MYZAP: variants seen among roughly 807,000 people sequenced by gnomAD.
MYZAP encodes myocardial zonula adherens protein, also known as GRINL1A complex locus upstream.
Under a neutral mutation model 69.4 loss-of-function variants are expected in MYZAP, and 66 were observed. That is an observed-to-expected ratio of 0.95 (90% CI 0.78 to 1.17). The LOEUF (loss-of-function observed/expected upper bound fraction) is 1.17. Among genes scored for constraint, MYZAP ranks in the 50% most tolerant of loss-of-function variants. MYZAP has a pLI of 0.00. For missense variants in MYZAP, 611 were observed against 556.2 expected (o/e 1.10, Z -0.99); for synonymous variants, 256 against 205.9 (o/e 1.24, Z -2.09).
At chr15:57,600,020 C>T (rs947623132) in intron 1 of MYZAP, among the ~76,000 whole-genome samples, 8 of 152,172 alleles carry the variant, frequency 5.3e-5, no homozygotes, top group Non-Finnish European at 1.2e-4. Context: ...ATCTTAACAT[C>T]GTTGCCACCA....
At chr15:57,618,489 T>C (rs1315525232) in intron 3 of MYZAP, among the ~76,000 whole-genome samples, 5 of 152,160 alleles carry the variant, frequency 3.3e-5, no homozygotes, top group Admixed American at 2.0e-4. Flanking sequence ...TTTTTCTTTA[T>C]TGCACTTACC....
chr15:57,668,679 A>T (rs976151832), intron 11 of MYZAP, among the ~76,000 whole-genome samples: 3 of 151,980 alleles, frequency 2.0e-5, no homozygotes, highest in Non-Finnish European at 4.4e-5. Flanking sequence ...TTTGCCATTT[A>T]TAAGTTTCAT....
intron 2 of MYZAP, among the ~76,000 whole-genome samples, chr15:57,604,951 T>G (rs2034652294): frequency 1.3e-5 from 2 of 152,180 alleles, no homozygotes; most frequent in African/African-American, 4.8e-5. Context: ...ATGTGATATT[T>G]CAGGTGTTAA....
At chr15:57,613,088 C>A (rs547785370) in intron 2 of MYZAP, among the ~76,000 whole-genome samples, 6 of 152,132 alleles carry the variant, frequency 3.9e-5, no homozygotes, top group Non-Finnish European at 8.8e-5. Context: ...CCTGCCACCA[C>A]GCCTGGCTAA....
At chr15:57,654,723 G>T (rs910265786) in intron 10 of MYZAP, among the ~76,000 whole-genome samples, 1 of 152,150 alleles carries the variant, frequency 6.6e-6, no homozygotes, top group African/African-American at 2.4e-5. Context: ...TGTCCTACAT[G>T]TTACTAATGG....
chr15:57,606,398 C>T (rs538839842), intron 2 of MYZAP, among the ~76,000 whole-genome samples: 166 of 152,180 alleles, frequency 1.1e-3, no homozygotes, highest in Non-Finnish European at 1.9e-3. Flanking sequence ...TGGCCTGAAT[C>T]CTTCAATAAA....
At chr15:57,657,908 C>T (rs888644770) in intron 10 of MYZAP, among the ~76,000 whole-genome samples, 1 of 152,124 alleles carries the variant, frequency 6.6e-6, no homozygotes, top group African/African-American at 2.4e-5. Context: ...CCTGCCAACG[C>T]TCATTTCTTC....
chr15:57,625,713 C>G (rs1030645981), intron 4 of MYZAP, 66 bp from the exon 5 acceptor site: 17 of 1,469,546 alleles, frequency 1.2e-5, no homozygotes, highest in African/African-American at 2.8e-5. Context: ...AAGTTCCAGC[C>G]TAACTGAAGA....
chr15:57,661,447 T>C lies in MYZAP; in HGVS notation c.1120-3T>C. ...TAACAATTTTCCATCCCTTTCTTTC[T>C]AGATTGAATCATTAAAGAAAAAGTT... On this transcript the variant is annotated splice_region_variant and splice_polypyrimidine_tract_variant and intron_variant, in intron 10 of 12. Transcript: ENST00000267853. 6.2e-7 allele frequency: 1 copy of C among 1,604,190 alleles called. No homozygotes were observed. Among genetic ancestry groups the C allele is most frequent in the Non-Finnish European group, 8.5e-7 (1 of 1,175,078 alleles).
intron 2 of MYZAP, among the ~76,000 whole-genome samples, chr15:57,614,727 C>T (rs1417964685): frequency 6.6e-6 from 1 of 152,070 alleles, no homozygotes; most frequent in South Asian, 2.1e-4. Context: ...CCCTGGGATG[C>T]TACATGGAGA....
intron 11 of MYZAP, among the ~76,000 whole-genome samples, chr15:57,666,370 G>A (rs894174394): frequency 6.6e-6 from 1 of 152,130 alleles, no homozygotes; most frequent in Admixed American, 6.6e-5. Context: ...CCTAGGTCAT[G>A]GCTGACACTC....
intron 11 of MYZAP, among the ~76,000 whole-genome samples, chr15:57,668,915 G>A (rs1861679437): frequency 6.9e-6 from 1 of 144,350 alleles, no homozygotes; most frequent in African/African-American, 2.6e-5. Context: ...TTTGCAATGG[G>A]GTCTTGCACA....
At chr15:57,673,463 C>CGTGTGTGTGTGTGTGT (rs3051249) in intron 11 of MYZAP, among the ~76,000 whole-genome samples, 6 of 102,588 alleles carry the variant, frequency 5.8e-5, no homozygotes, top group Non-Finnish European at 9.9e-5. Context: ...TGCGTGCATG[C>CGTGTGTGTGTGTGTGT]GTGTGTGTGT....
chr15:57,667,050 C>G (rs189651007), intron 11 of MYZAP, among the ~76,000 whole-genome samples: 4 of 152,288 alleles, frequency 2.6e-5, no homozygotes, highest in African/African-American at 9.6e-5. Context: ...ATATACTACA[C>G]TTACAGCTCA....
At chr15:57,670,308 A>G (rs1208146685) in intron 11 of MYZAP, among the ~76,000 whole-genome samples, 3 of 152,016 alleles carry the variant, frequency 2.0e-5, no homozygotes, top group Non-Finnish European at 2.9e-5. Flanking sequence ...TTATGTCTTG[A>G]TGATGAATTG....
intron 11 of MYZAP, among the ~76,000 whole-genome samples, chr15:57,672,902 C>T (rs1039383633): frequency 6.6e-6 from 1 of 152,092 alleles, no homozygotes; most frequent in Non-Finnish European, 1.5e-5. Context: ...TGTGGATCCC[C>T]CTATAATGTT....
intron 9 of MYZAP, 149 bp downstream of exon 9, chr15:57,637,923 A>G (rs1469390825): frequency 2.0e-5 from 17 of 831,982 alleles, no homozygotes; most frequent in African/African-American, 1.2e-4. Context: ...AGAGTTTCCA[A>G]TATGGAACAA....
rs550913801 is a variant in MYZAP, at chr15:57,618,452, G to A, written c.318+264G>A. On this transcript the variant is annotated intron_variant, in intron 3 of 12. Coordinates refer to ENST00000267853, the MANE Select transcript of MYZAP (RefSeq NM_001018100.5). Reference sequence around the variant, plus strand: ...GGAGAGCAGATGGCTTCCTCCTTCCGTGTAGGGTTTGGAGGCTCTTGAGTG... The same window carrying A: ...GGAGAGCAGATGGCTTCCTCCTTCCATGTAGGGTTTGGAGGCTCTTGAGTG... Among the ~76,000 whole-genome samples, 9 of 152,324 alleles carry A rather than the reference G, an allele frequency of 5.9e-5. 1 individual carries two copies. The highest frequency in any genetic ancestry group is 1.9e-4 in the East Asian group (1 of 5,186).
chr15:57,653,337 T>C (rs2037821454), intron 10 of MYZAP, among the ~76,000 whole-genome samples: 1 of 152,152 alleles, frequency 6.6e-6, no homozygotes, highest in East Asian at 1.9e-4. Flanking sequence ...CAGCTTGAAG[T>C]TCCCCATAGA....
Sources: gnomAD v4.1 joint callset for allele counts (sites outside exome capture counted in the v4.1 genomes callset) on GRCh38, gnomAD v4.1.1 for gene constraint, MANE v1.5 for transcripts, NCBI Gene and HGNC (gene_info 2026-07-23, HGNC 2026-07-21) for gene names.